Variants in EPM2A observed in about 807,000 individuals in gnomAD.
EPM2A encodes the protein laforin.
In EPM2A, 21 loss-of-function variants were observed where a neutral mutation model predicts 26.5. The observed-to-expected ratio is 0.79, with a 90% CI of 0.56 to 1.14. The LOEUF is 1.14. Among genes scored for constraint, EPM2A ranks in the 50% most tolerant of loss-of-function variants. The pLI is 0.00. For missense variants in EPM2A, 458 were observed against 440.8 expected (o/e 1.04, Z -0.35); for synonymous variants, 217 against 177.6 (o/e 1.22, Z -1.76).
chr6:145,682,927 A>T (rs1780647260), intron 2 of EPM2A, among the ~76,000 whole-genome samples: 1 of 152,206 alleles, frequency 6.6e-6, no homozygotes, highest in Non-Finnish European at 1.5e-5. Context: ...GCTCAAACAT[A>T]TAATCTACCT....
chr6:145,641,166 ATGT>A (rs1448930281), intron 2 of EPM2A: 2 of 152,168 alleles, frequency 1.3e-5, no homozygotes, highest in African/African-American at 4.8e-5. Context: ...AAGGCCTATT[ATGT>A]TGACTTGTGT....
chr6:145,667,400 A>C (rs1412998551), intron 2 of EPM2A, among the ~76,000 whole-genome samples: 1 of 146,278 alleles, frequency 6.8e-6, no homozygotes, highest in Non-Finnish European at 1.5e-5. Flanking sequence ...TGCAGCCAAA[A>C]AACACATGAA....
intron 4 of EPM2A, among the ~76,000 whole-genome samples, chr6:145,456,924 T>A (rs964022775): frequency 2.1e-4 from 32 of 152,268 alleles, no homozygotes; most frequent in African/African-American, 7.2e-4. Context: ...CTTACAGATG[T>A]TATAAAGGAA....
At chr6:145,728,465 A>G (rs1583139245) in intron 1 of EPM2A, among the ~76,000 whole-genome samples, 1 of 152,218 alleles carries the variant, frequency 6.6e-6, no homozygotes, top group East Asian at 1.9e-4. Flanking sequence ...TGGGAACTAC[A>G]GTAGTCACTC....
chr6:145,698,414 C>T (rs571879950), intron 1 of EPM2A, among the ~76,000 whole-genome samples: 1 of 152,064 alleles, frequency 6.6e-6, no homozygotes, highest in Non-Finnish European at 1.5e-5. Context: ...ATCTGCCAAG[C>T]CTCCAGTGGG....
chr6:145,682,944 A>G (rs1280697932), intron 2 of EPM2A, among the ~76,000 whole-genome samples: 1 of 152,194 alleles, frequency 6.6e-6, no homozygotes, highest in African/African-American at 2.4e-5. Flanking sequence ...ACCTGTCTGT[A>G]TCTATTTCAG....
intron 4 of EPM2A, among the ~76,000 whole-genome samples, chr6:145,448,942 A>G (rs2114707046): frequency 6.6e-6 from 1 of 152,318 alleles, no homozygotes; most frequent in South Asian, 2.1e-4. Context: ...GTGTAAAACC[A>G]TGGGCCTCAG....
intron 2 of EPM2A, among the ~76,000 whole-genome samples, chr6:145,681,713 C>T (rs1478757641): frequency 3.3e-5 from 5 of 151,874 alleles, no homozygotes; most frequent in African/African-American, 4.8e-5. Context: ...AGATATGCGG[C>T]GTTATTTCTG....
intron 4 of EPM2A, among the ~76,000 whole-genome samples, chr6:145,445,290 T>G (rs1051901103): frequency 1.3e-5 from 2 of 152,300 alleles, no homozygotes; most frequent in South Asian, 4.1e-4. Flanking sequence ...TGCCTATAAA[T>G]TTTTCTTTGA....
rs60941447 is a variant in EPM2A, at chr6:145,589,888, T to TAA, written c.340+45355_340+45356dup. Among the ~76,000 whole-genome samples the TAA allele has an allele frequency of 1.2e-3, 171 of 140,870 alleles. 1 individual carries two copies. Among genetic ancestry groups the TAA allele is most frequent in the Admixed American group, 2.1e-3 (29 of 14,012 alleles). The allele number at this position is 140,870 out of a possible 152,430, so 92.4% of individuals were successfully genotyped here. On this transcript the variant is annotated intron_variant, in intron 2 of 3. Coordinates refer to the EPM2A transcript ENST00000450221. The stretch of plus-strand genomic sequence containing the variant: ...GGAGGCCAATGAAAAGTTCAGAGGT[T>TAA]AAAAAAAAAAAAAGAAAAAAAAGAA...
chr6:145,612,303 A>G (rs1292227198), intron 2 of EPM2A, among the ~76,000 whole-genome samples: 1 of 152,192 alleles, frequency 6.6e-6, no homozygotes, highest in Admixed American at 6.5e-5. Context: ...ATTTAAAATA[A>G]GACAGATAAA....
intron 2 of EPM2A, chr6:145,502,605 T>C (rs1053916622): frequency 2.1e-6 from 1 of 470,664 alleles, no homozygotes; most frequent in African/African-American, 2.0e-5. Context: ...AGTGGCAGCT[T>C]ATTAAAACCT....
intron 4 of EPM2A, among the ~76,000 whole-genome samples, chr6:145,393,044 A>G (rs1169665955): frequency 6.6e-6 from 1 of 152,148 alleles, no homozygotes; most frequent in Non-Finnish European, 1.5e-5. Flanking sequence ...AAATGATGAT[A>G]ATGCCAAGCT....
At chr6:145,460,076 G>C (rs1779310595) in intron 4 of EPM2A, among the ~76,000 whole-genome samples, 1 of 152,044 alleles carries the variant, frequency 6.6e-6, no homozygotes, top group Non-Finnish European at 1.5e-5. Flanking sequence ...TTTTTTTAAA[G>C]GCTTGGACTA....
intron 1 of EPM2A, among the ~76,000 whole-genome samples, chr6:145,696,404 A>T (rs890770810): frequency 6.6e-6 from 1 of 152,162 alleles, no homozygotes; most frequent in Admixed American, 6.5e-5. Flanking sequence ...ATATATTGGA[A>T]GTAGCTAAGA....
intron 2 of EPM2A, among the ~76,000 whole-genome samples, chr6:145,664,709 C>T (rs904206932): frequency 1.3e-5 from 2 of 152,146 alleles, no homozygotes; most frequent in African/African-American, 4.8e-5. Flanking sequence ...ACAGAATATA[C>T]ATTTTTTTCA....
At chr6:145,574,776 T>C (rs1781007173) in intron 2 of EPM2A, among the ~76,000 whole-genome samples, 1 of 152,234 alleles carries the variant, frequency 6.6e-6, no homozygotes, top group South Asian at 2.1e-4. Flanking sequence ...AGAACCTTTT[T>C]TAACTCCTTG....
chr6:145,475,930 C>G (rs988679964), intron 4 of EPM2A, among the ~76,000 whole-genome samples: 2 of 151,730 alleles, frequency 1.3e-5, no homozygotes, highest in African/African-American at 4.8e-5. Context: ...TCTTATTTAT[C>G]AATAATAATA....
chr6:145,461,785 A>C (rs1009885671), intron 4 of EPM2A, among the ~76,000 whole-genome samples: 21 of 152,230 alleles, frequency 1.4e-4, no homozygotes, highest in Admixed American at 1.2e-3. Context: ...CCCAGCTATG[A>C]GAAGGCACAG....
Sources: allele counts gnomAD v4.1 joint callset (sites outside exome capture counted in the v4.1 genomes callset), GRCh38; gene constraint gnomAD v4.1.1; transcripts MANE v1.5; gene names NCBI Gene and HGNC (gene_info 2026-07-23, HGNC 2026-07-21).